QTGAL: variants seen among roughly 807,000 people sequenced by gnomAD.
QTGAL encodes queuosine-tRNA galactosyltransferase, also known as BGnT-like protein 1.
At chr17:83,006,906 CCAAA>C in the QTGAL span, 37 of 821,334 alleles carry the variant, frequency 4.5e-5, no homozygotes, top group South Asian at 1.1e-4. The surrounding 1 kb of genome is among the most constrained non-coding windows in gnomAD (Gnocchi z 5.8). Context: ...ACAGGAACTT[CCAAA>C]CAGTCTCCAG....
At chr17:83,020,725 C>T in the QTGAL span, among the ~76,000 whole-genome samples, 1 of 152,300 alleles carries the variant, frequency 6.6e-6, no homozygotes, top group East Asian at 1.9e-4. Flanking sequence ...TGATTCTGAG[C>T]GCAGTTGGGG....
the QTGAL span, among the ~76,000 whole-genome samples, chr17:82,959,362 C>CGTGAGTGCGTGTGTGTGCAT: frequency 6.6e-6 from 1 of 151,432 alleles, no homozygotes; most frequent in African/African-American, 2.4e-5. Context: ...TGTGTGTGCA[C>CGTGAGTGCGTGTGTGTGCAT]GTGAGTGCGT....
At chr17:82,951,927 C>G in the QTGAL span, among the ~76,000 whole-genome samples, 4 of 151,642 alleles carry the variant, frequency 2.6e-5, no homozygotes, top group South Asian at 2.1e-4. Context: ...GTAACACATA[C>G]AGTAACAGTT....
At chr17:82,957,401 C>CCCCTGCTTGCCAGCGT in the QTGAL span, 1 of 1,613,142 alleles carries the variant, frequency 6.2e-7, no homozygotes, top group Non-Finnish European at 8.5e-7. Flanking sequence ...ACAGCCGGCG[C>CCCCTGCTTGCCAGCGT]CCCTGCTTGC....
chr17:83,010,001 T>TGGGGGGGC, the QTGAL span, among the ~76,000 whole-genome samples: 1 of 106,662 alleles, frequency 9.4e-6, no homozygotes, highest in East Asian at 3.3e-4. Context: ...GCCCCTGGTG[T>TGGGGGGGC]TGGGGGGCTG....
the QTGAL span, among the ~76,000 whole-genome samples, chr17:82,999,432 TGTGG>T: frequency 6.6e-6 from 1 of 152,206 alleles, no homozygotes; most frequent in African/African-American, 2.4e-5. Flanking sequence ...CCCTGAACAA[TGTGG>T]GGGTTAGGGG....
chr17:83,051,732 C>T, the QTGAL span: 1 of 1,495,146 alleles, frequency 6.7e-7, no homozygotes. Flanking sequence ...CCCGCTGGCA[C>T]CTACCACGTG....
the QTGAL span, among the ~76,000 whole-genome samples, chr17:83,029,421 G>A: frequency 3.9e-5 from 6 of 152,130 alleles, no homozygotes; most frequent in Admixed American, 3.3e-4. Flanking sequence ...GGACAGCAAG[G>A]GATGATGAGC....
chr17:83,010,694 C>A, the QTGAL span, among the ~76,000 whole-genome samples: 1 of 152,246 alleles, frequency 6.6e-6, no homozygotes, highest in Non-Finnish European at 1.5e-5. Context: ...TAAGTTAACA[C>A]GCAGCTTCTT....
the QTGAL span, chr17:83,004,980 G>T: frequency 1.6e-6 from 1 of 644,624 alleles, no homozygotes; most frequent in Admixed American, 3.2e-5. Flanking sequence ...GCGATTGATG[G>T]CATGTGAGTG....
the QTGAL span, chr17:82,947,303 G>T: frequency 5.8e-6 from 2 of 344,548 alleles, no homozygotes; most frequent in Non-Finnish European, 5.3e-6. Context: ...TCTGCTGTTT[G>T]ACCAGGGCAG....
At chr17:82,962,524 C>T in the QTGAL span, among the ~76,000 whole-genome samples, 9 of 132,676 alleles carry the variant, frequency 6.8e-5, no homozygotes, top group South Asian at 2.6e-4. Flanking sequence ...TGGAGGCTCC[C>T]GCGGGTGCTG....
At chr17:82,964,956 A>G in the QTGAL span, among the ~76,000 whole-genome samples, 15 of 107,826 alleles carry the variant, frequency 1.4e-4, 1 homozygote, top group East Asian at 6.9e-4. Context: ...GCACCCCCAC[A>G]GGAGAACGGG....
chr17:82,979,612 G>A, the QTGAL span, among the ~76,000 whole-genome samples: 1 of 152,162 alleles, frequency 6.6e-6, no homozygotes, highest in East Asian at 1.9e-4. Context: ...GAAGGAAATC[G>A]AGGAAAATTT....
At chr17:83,039,977 G>A in the QTGAL span, among the ~76,000 whole-genome samples, 4 of 152,132 alleles carry the variant, frequency 2.6e-5, no homozygotes, top group Admixed American at 2.6e-4. Flanking sequence ...ATTCCAGAGG[G>A]ACCGTAAACC....
the QTGAL span, among the ~76,000 whole-genome samples, chr17:82,973,639 G>C: frequency 6.6e-6 from 1 of 152,140 alleles, no homozygotes; most frequent in African/African-American, 2.4e-5. Flanking sequence ...ACACAGGAGG[G>C]AACCTGGTGC....
At chr17:83,029,365 A>AT in the QTGAL span, among the ~76,000 whole-genome samples, 341 of 151,188 alleles carry the variant, frequency 2.3e-3, 6 homozygotes, top group South Asian at 0.02. Context: ...CTGAAGTTAA[A>AT]TTTTTTTTTT....
chr17:82,946,671 TAATC>T, the QTGAL span, among the ~76,000 whole-genome samples: 1 of 151,150 alleles, frequency 6.6e-6, no homozygotes, highest in Non-Finnish European at 1.5e-5. Flanking sequence ...AGATAAAAGT[TAATC>T]AAAACAGATA....
At chr17:83,021,040 C>T in the QTGAL span, among the ~76,000 whole-genome samples, 1 of 152,162 alleles carries the variant, frequency 6.6e-6, no homozygotes, top group Non-Finnish European at 1.5e-5. Flanking sequence ...TACATTTGTG[C>T]CCTACATGAA....
Sources: allele counts gnomAD v4.1 joint callset (sites outside exome capture counted in the v4.1 genomes callset), GRCh38; gene constraint gnomAD v4.1.1; non-coding constraint Gnocchi (gnomAD v3.1); transcripts MANE v1.5; gene names NCBI Gene and HGNC (gene_info 2026-07-23, HGNC 2026-07-21).